Variants in CHCHD6 observed in about 807,000 individuals in gnomAD.
The protein encoded by CHCHD6 is MICOS complex subunit MIC25.
CHCHD6 carries 28 observed loss-of-function variants against 32.3 expected under a neutral mutation model. The observed-to-expected ratio is 0.87, with a 90% confidence interval of 0.64 to 1.19. The LOEUF is 1.19. Among genes scored for constraint, CHCHD6 ranks in the 50% most tolerant of loss-of-function variants. The pLI is 0.00. For missense variants in CHCHD6, 333 were observed against 307.0 expected, an observed-to-expected ratio of 1.08 and a Z score of -0.63; for synonymous variants, 122 against 117.5, an observed-to-expected ratio of 1.04 and a Z score of -0.25.
chr3:126,911,132 C>A (rs751820831), intron 5 of CHCHD6, among the ~76,000 whole-genome samples: 1 of 152,200 alleles, frequency 6.6e-6, no homozygotes, highest in Non-Finnish European at 1.5e-5. Context: ...ATGGTTTCTG[C>A]CAGGCTGTCC....
At chr3:126,890,505 C>A (rs994878647) in intron 5 of CHCHD6, among the ~76,000 whole-genome samples, 1 of 152,082 alleles carries the variant, frequency 6.6e-6, no homozygotes, top group Non-Finnish European at 1.5e-5. Flanking sequence ...CAGGACTCTG[C>A]GAGGCCCCTG....
intron 5 of CHCHD6, among the ~76,000 whole-genome samples, chr3:126,902,029 G>T (rs1280857175): frequency 6.6e-6 from 1 of 152,224 alleles, no homozygotes; most frequent in East Asian, 1.9e-4. Context: ...TCGTCCTAAG[G>T]CATAAAACTA....
intron 1 of CHCHD6, among the ~76,000 whole-genome samples, chr3:126,724,559 G>C (rs1935449613): frequency 6.6e-6 from 1 of 152,154 alleles, no homozygotes; most frequent in African/African-American, 2.4e-5. Context: ...TGATCAGGAT[G>C]GTGGTTGGCT....
At chr3:126,929,063 T>C (rs1303714232) in intron 6 of CHCHD6, among the ~76,000 whole-genome samples, 1 of 152,208 alleles carries the variant, frequency 6.6e-6, no homozygotes, top group Admixed American at 6.5e-5. Context: ...CCCCTGAGGC[T>C]TTATAGAGCA....
At chr3:126,753,600 G>A (rs1181284675) in intron 4 of CHCHD6, among the ~76,000 whole-genome samples, 1 of 152,238 alleles carries the variant, frequency 6.6e-6, no homozygotes, top group Non-Finnish European at 1.5e-5. Flanking sequence ...TCTCTTCCCA[G>A]ATAAAGATCA....
chr3:126,741,432 T>C (rs1201211340), intron 4 of CHCHD6, among the ~76,000 whole-genome samples: 1 of 151,914 alleles, frequency 6.6e-6, no homozygotes, highest in African/African-American at 2.4e-5. Flanking sequence ...GCTGAAGTCA[T>C]GTGGGGGTCC....
intron 4 of CHCHD6, among the ~76,000 whole-genome samples, chr3:126,841,643 C>T (rs917639298): frequency 2.0e-5 from 3 of 152,018 alleles, no homozygotes; most frequent in African/African-American, 7.3e-5. Context: ...TGGTTGCTCA[C>T]GCCTGTAATC....
chr3:126,786,344 G>A (rs1938212938), intron 4 of CHCHD6, among the ~76,000 whole-genome samples: 1 of 152,214 alleles, frequency 6.6e-6, no homozygotes, highest in Non-Finnish European at 1.5e-5. Flanking sequence ...TATATACCCA[G>A]TAATGGGATG....
chr3:126,902,493 G>A (rs985683343), intron 5 of CHCHD6, among the ~76,000 whole-genome samples: 36 of 152,128 alleles, frequency 2.4e-4, no homozygotes, highest in African/African-American at 8.7e-4. Context: ...GAGGCGGGCA[G>A]ATCATGAGGT....
intron 6 of CHCHD6, among the ~76,000 whole-genome samples, chr3:126,939,348 A>G (rs1274450576): frequency 1.3e-5 from 2 of 152,244 alleles, no homozygotes; most frequent in East Asian, 3.8e-4. Context: ...GTAGTGAATT[A>G]AGTCTGTTAA....
At position 126,727,195 on chromosome 3, in the gene CHCHD6, AT is replaced by A. The variant is rs1214228208; in HGVS notation, c.196+11del. 4 of 1,564,092 alleles carry A rather than the reference AT, an allele frequency of 2.6e-6. No individual in the cohort carries two copies. In the African/African-American group the frequency reaches 5.4e-5, roughly 21 times the overall value. ...GAGAGCCCCTCACAAAGGTATGGGG[AT>A]TGTGACAGTTCTGTGGAGTGTGGAG... On this transcript the variant is annotated intron_variant, in intron 2 of 7. Transcript: ENST00000290913.
chr3:126,710,332 A>G (rs570862977), intron 1 of CHCHD6, among the ~76,000 whole-genome samples: 1 of 152,298 alleles, frequency 6.6e-6, no homozygotes, highest in South Asian at 2.1e-4. Flanking sequence ...CCATGCTGTC[A>G]TGCTGATTAT....
intron 4 of CHCHD6, among the ~76,000 whole-genome samples, chr3:126,817,121 T>C (rs1939941891): frequency 6.6e-6 from 1 of 152,208 alleles, no homozygotes. Flanking sequence ...GTAAGGAGGC[T>C]TCTTTACCTT....
intron 1 of CHCHD6, among the ~76,000 whole-genome samples, chr3:126,718,339 A>G (rs534695021): frequency 2.0e-4 from 31 of 152,198 alleles, no homozygotes; most frequent in Non-Finnish European, 3.4e-4. Flanking sequence ...GCTAATATCA[A>G]TTGTTTACAT....
chr3:126,871,021 A>T (rs756180831), intron 5 of CHCHD6, among the ~76,000 whole-genome samples: 3 of 152,182 alleles, frequency 2.0e-5, no homozygotes, highest in Non-Finnish European at 2.9e-5. Flanking sequence ...GCTGTGATTC[A>T]TCTGGGTCAG....
intron 6 of CHCHD6, among the ~76,000 whole-genome samples, chr3:126,932,812 G>A (rs529892984): frequency 1.3e-5 from 2 of 152,214 alleles, no homozygotes; most frequent in East Asian, 1.9e-4. Flanking sequence ...AAGGGCCCTT[G>A]GAGCCTCCCT....
intron 5 of CHCHD6, among the ~76,000 whole-genome samples, chr3:126,913,595 C>T (rs1242342101): frequency 2.0e-5 from 3 of 152,124 alleles, no homozygotes; most frequent in Non-Finnish European, 4.4e-5. Context: ...CTTCCTCACC[C>T]GCACTGGGGA....
At position 126,817,159 on chromosome 3, in the gene CHCHD6, C is replaced by G. The variant is rs565496009; in HGVS notation, c.412-35488C>G. Among the ~76,000 whole-genome samples, 6 of 152,140 alleles carry G rather than the reference C, an allele frequency of 3.9e-5. No homozygotes were observed. In the South Asian group the frequency reaches 1.2e-3, roughly 32 times the overall value. ...ACAATCGCCGACTGCTCTCTCTGGG[C>G]TAGGTGGATAATATCCTGTGAGTTC... On this transcript the variant is annotated intron_variant, in intron 4 of 7. Transcript: ENST00000290913.
At chr3:126,739,237 G>A (rs1484123088) in intron 4 of CHCHD6, among the ~76,000 whole-genome samples, 2 of 152,114 alleles carry the variant, frequency 1.3e-5, no homozygotes, top group Non-Finnish European at 2.9e-5. Context: ...TTTGTCTACT[G>A]AGCTTAGTCT....
Sources: allele counts gnomAD v4.1 joint callset (sites outside exome capture counted in the v4.1 genomes callset), GRCh38; gene constraint gnomAD v4.1.1; transcripts MANE v1.5; gene names NCBI Gene and HGNC (gene_info 2026-07-23, HGNC 2026-07-21).